The following RHEX variants were observed in gnomAD, a reference collection of about 807,000 sequenced individuals.
The protein encoded by RHEX is regulator of hemoglobinization and erythroid cell expansion.
Under a neutral mutation model 20.1 loss-of-function variants are expected in RHEX, and 18 were observed. The observed-to-expected ratio is 0.90, with a 90% confidence interval of 0.62 to 1.33. The LOEUF (loss-of-function observed/expected upper bound fraction) is 1.33. Ranked by LOEUF, RHEX falls within the 40% of genes most tolerant of loss-of-function variation. The pLI, the probability that RHEX is intolerant of heterozygous loss-of-function variation, is 0.00. For synonymous variants in RHEX, 87 were observed against 77.1 expected, an observed-to-expected ratio of 1.13 and a Z score of -0.67; for missense variants, 192 against 214.3, an observed-to-expected ratio of 0.90 and a Z score of 0.65.
chr1:206,070,177 G>A (rs1553284510), intron 1 of RHEX, among the ~76,000 whole-genome samples: 1 of 152,126 alleles, frequency 6.6e-6, no homozygotes, highest in African/African-American at 2.4e-5. Context: ...TCGGTCTTGA[G>A]CATTGAGAGA....
chr1:206,061,593 G>A (rs1372891335), intron 1 of RHEX: 1 of 152,224 alleles, frequency 6.6e-6, no homozygotes, highest in African/African-American at 2.4e-5. Flanking sequence ...ACAGCCCAAT[G>A]CCTTGTTTTG....
At chr1:206,057,249 C>T (rs972492887) in intron 1 of RHEX, among the ~76,000 whole-genome samples, 1 of 152,270 alleles carries the variant, frequency 6.6e-6, no homozygotes, top group South Asian at 2.1e-4. Context: ...TGTGGAGGAA[C>T]CGTAACAGGA....
chr1:206,084,694 T>C (rs1259282586), intron 1 of RHEX, among the ~76,000 whole-genome samples: 1 of 152,196 alleles, frequency 6.6e-6, no homozygotes, highest in Admixed American at 6.5e-5. Flanking sequence ...CCCAATTAAA[T>C]GCCTTGAGTA....
intron 1 of RHEX, among the ~76,000 whole-genome samples, chr1:206,082,560 A>G (rs1331228685): frequency 1.3e-5 from 2 of 152,170 alleles, no homozygotes; most frequent in Non-Finnish European, 2.9e-5. Flanking sequence ...GTTGTTCACT[A>G]CAGAAAGGAC....
At chr1:206,063,541 G>T (rs542735893) in intron 1 of RHEX, among the ~76,000 whole-genome samples, 1 of 152,246 alleles carries the variant, frequency 6.6e-6, no homozygotes, top group African/African-American at 2.4e-5. Context: ...GCAGGCGCGC[G>T]CCGCCACGCC....
At position 206,067,667 on chromosome 1, in the gene RHEX, TCCACACATAGCC is replaced by T. The variant is rs1553284287; in HGVS notation, c.-97+14406_-97+14417del. The stretch of plus-strand genomic sequence containing the variant: ...GACATCCTGTTCCCAAATACCTCAC[TCCACACATAGCC>T]CCAACAGCACAACCTCATTCTGCAC... On this transcript the variant is annotated intron_variant, in intron 1 of 5. Coordinates refer to ENST00000331555, the MANE Select transcript of RHEX (RefSeq NM_001007544.4). This position sits in a 1 kb window ranked among gnomAD's most constrained non-coding sequence, Gnocchi z 4.6. 6.6e-6 allele frequency among the ~76,000 whole-genome samples: 1 copy of T among 152,000 alleles called. No individual in the cohort carries two copies. Among genetic ancestry groups the T allele is most frequent in the South Asian group, 2.1e-4 (1 of 4,832 alleles).
chr1:206,084,055 G>T lies in RHEX; in HGVS notation c.-96-13678G>T, dbSNP rs781974624. On this transcript the variant is annotated intron_variant, in intron 1 of 5. Transcript: ENST00000331555. ...CAATGTACATTTAGTGCCAGTACAG[G>T]CTCCACCAATAACAGCTATGAAGTT... is the stretch of plus-strand genomic sequence containing the variant. Among the ~76,000 whole-genome samples the T allele has an allele frequency of 3.9e-5, 6 of 152,264 alleles. No individual in the cohort carries two copies. In the South Asian group the frequency reaches 1.0e-3, roughly 26 times the overall value.
Position 206,077,711 on chromosome 1 carries a change from G to A in RHEX, c.-96-20022G>A, listed in dbSNP as rs551146670. On this transcript the variant is annotated intron_variant, in intron 1 of 5. Coordinates refer to ENST00000331555, the MANE Select transcript of RHEX (RefSeq NM_001007544.4). ...CCTGGGAACTCAAGGCTACAACATCGTAGGTGGAGACTGAAAGCCTGGGGA... is the reference window on the plus strand; with the variant it reads ...CCTGGGAACTCAAGGCTACAACATCATAGGTGGAGACTGAAAGCCTGGGGA... Among the ~76,000 whole-genome samples, 18 of 152,320 alleles carry A rather than the reference G, an allele frequency of 1.2e-4. No homozygotes were observed. In the East Asian group the frequency reaches 3.5e-3, roughly 29 times the overall value.
chr1:206,078,745 G>A (rs1322127740), intron 1 of RHEX, among the ~76,000 whole-genome samples: 1 of 152,032 alleles, frequency 6.6e-6, no homozygotes, highest in Non-Finnish European at 1.5e-5. Flanking sequence ...TCAATAAAAA[G>A]TTTAATCTGA....
chr1:206,080,766 C>T (rs1036106260), intron 1 of RHEX, among the ~76,000 whole-genome samples: 1 of 152,188 alleles, frequency 6.6e-6, no homozygotes, highest in Non-Finnish European at 1.5e-5. Flanking sequence ...GAAGCATCAG[C>T]GTGCATCCAT....
intron 1 of RHEX, chr1:206,083,459 T>C (rs1256813483): frequency 1.0e-6 from 1 of 982,026 alleles, no homozygotes; most frequent in East Asian, 1.1e-4. Flanking sequence ...CACCCTGCTG[T>C]ACTCAACGAG....
At chr1:206,053,595 A>T (rs1553282097) in intron 1 of RHEX, among the ~76,000 whole-genome samples, 1 of 151,916 alleles carries the variant, frequency 6.6e-6, no homozygotes, top group Non-Finnish European at 1.5e-5. Context: ...GAACTATGTT[A>T]AAAAAAAATT....
intron 1 of RHEX, among the ~76,000 whole-genome samples, chr1:206,070,119 C>G (rs1553284506): frequency 1.3e-5 from 2 of 151,554 alleles, no homozygotes; most frequent in African/African-American, 4.9e-5. Flanking sequence ...TGGGGGAGTT[C>G]TGGACATTTC....
chr1:206,062,186 G>A (rs923203139), intron 1 of RHEX: 1 of 152,218 alleles, frequency 6.6e-6, no homozygotes, highest in Non-Finnish European at 1.5e-5. Context: ...CTCCAGCCTG[G>A]CAACAGAGTG....
chr1:206,084,695 G>A (rs1208547876), intron 1 of RHEX, among the ~76,000 whole-genome samples: 1 of 152,174 alleles, frequency 6.6e-6, no homozygotes, highest in Non-Finnish European at 1.5e-5. Flanking sequence ...CCAATTAAAT[G>A]CCTTGAGTAG....
intron 1 of RHEX, among the ~76,000 whole-genome samples, chr1:206,090,772 T>C (rs1662934988): frequency 6.6e-6 from 1 of 152,004 alleles, no homozygotes; most frequent in South Asian, 2.1e-4. Context: ...ATTAATATTA[T>C]ATTTAGATAT....
At chr1:206,054,836 T>G (rs1662156229) in intron 1 of RHEX, among the ~76,000 whole-genome samples, 1 of 152,254 alleles carries the variant, frequency 6.6e-6, no homozygotes, top group African/African-American at 2.4e-5. Flanking sequence ...TATAAAATGG[T>G]GTTTAGCTTT....
rs1553283780 is a variant in RHEX, at chr1:206,064,193, C to T, written c.-97+10928C>T. On this transcript the variant is annotated intron_variant, in intron 1 of 5. Coordinates refer to ENST00000331555, the MANE Select transcript of RHEX (RefSeq NM_001007544.4). ...CTGAGAAGTTAGGAGCCTCTCCGCC[C>T]GGCAGCCGCCCCGTCTGGGAAGTGA... 2.8e-5 allele frequency among the ~76,000 whole-genome samples: 4 copies of T among 144,164 alleles called. No individual in the cohort carries two copies. In the South Asian group the frequency reaches 6.7e-4, roughly 24 times the overall value. The allele number at this position is 144,164 out of a possible 152,430, so 94.6% of individuals were successfully genotyped here. A position where few individuals can be genotyped will look rare whatever the true frequency, so the allele number is the denominator to read the frequency against.
At chr1:206,061,387 AC>A (rs1314116446) in intron 1 of RHEX, 3 of 152,206 alleles carry the variant, frequency 2.0e-5, no homozygotes, top group African/African-American at 7.2e-5. Flanking sequence ...AACTTTCCCC[AC>A]AAGTCCTCGG....
Sources: gnomAD v4.1 joint callset for allele counts (sites outside exome capture counted in the v4.1 genomes callset) on GRCh38, gnomAD v4.1.1 for gene constraint, Gnocchi (gnomAD v3.1) non-coding constraint, MANE v1.5 for transcripts, NCBI Gene and HGNC (gene_info 2026-07-23, HGNC 2026-07-21) for gene names.